The following EDA variants were observed in gnomAD, a reference collection of about 807,000 sequenced individuals.
EDA encodes the protein ectodysplasin-A.
EDA carries 2 observed loss-of-function variants against 23.6 expected under a neutral mutation model. The ratio of observed to expected loss-of-function variants is 0.08; its 90% CI spans 0.03 to 0.27. The LOEUF (loss-of-function observed/expected upper bound fraction) is 0.27. Among genes scored for constraint, EDA ranks in the 10% least tolerant of loss-of-function variants. EDA has a pLI of 1.00. For missense variants in EDA, 229 were observed against 324.2 expected (o/e 0.71, Z 2.26); for synonymous variants, 131 against 132.0 (o/e 0.99, Z 0.05).
chrX:69,979,934 T>A (rs911231901), intron 2 of EDA, among the ~76,000 whole-genome samples: 3 of 111,503 alleles, frequency 2.7e-5, no homozygotes, highest in African/African-American at 9.8e-5. Flanking sequence ...TATTTCTCAT[T>A]TTTTAGTGTT....
intron 1 of EDA, among the ~76,000 whole-genome samples, chrX:69,855,478 A>G (rs2017225909): frequency 8.9e-6 from 1 of 111,844 alleles, no homozygotes; most frequent in African/African-American, 3.2e-5. Context: ...ATCCATCTTT[A>G]ATTAATTTTT....
At position 69,742,798 on chromosome X, in the gene EDA, A is replaced by G. The variant is rs190982742; in HGVS notation, c.396+126094A>G. Among the ~76,000 whole-genome samples the G allele has an allele frequency of 3.6e-5, 4 of 111,146 alleles. No individual in the cohort carries two copies. In the East Asian group the frequency reaches 1.1e-3, roughly 31 times the overall value. ...TACTTCTATGCAGTAAACTAGGGCAATAATTGGGCTTACCTTGTTTGGTTC... is the reference window on the plus strand; with the variant it reads ...TACTTCTATGCAGTAAACTAGGGCAGTAATTGGGCTTACCTTGTTTGGTTC... On this transcript the variant is annotated intron_variant, in intron 1 of 7. Coordinates refer to ENST00000374552, the MANE Select transcript of EDA (RefSeq NM_001399.5).
chrX:69,772,737 G>A (rs747616233), intron 1 of EDA, among the ~76,000 whole-genome samples: 9 of 111,401 alleles, frequency 8.1e-5, no homozygotes, highest in African/African-American at 2.6e-4. Context: ...TGTGGTATTT[G>A]GTGTTCTGTT....
chrX:69,749,387 C>T (rs1165581743), intron 1 of EDA, among the ~76,000 whole-genome samples: 3 of 90,972 alleles, frequency 3.3e-5, no homozygotes, highest in Non-Finnish European at 6.5e-5. Flanking sequence ...TGAATAATGC[C>T]GCAATAAACA....
intron 1 of EDA, among the ~76,000 whole-genome samples, chrX:69,622,641 A>T (rs979250016): frequency 8.9e-6 from 1 of 112,214 alleles, no homozygotes; most frequent in Admixed American, 9.5e-5. Context: ...AGCCATTCCC[A>T]AATCTGTGAT....
At chrX:70,012,313 T>C (rs1375915844) in intron 2 of EDA, among the ~76,000 whole-genome samples, 1 of 112,147 alleles carries the variant, frequency 8.9e-6, no homozygotes, top group Non-Finnish European at 1.9e-5. Context: ...ATCTAAAAGA[T>C]TATAGAACTC....
At chrX:69,815,950 C>G (rs772143818) in intron 1 of EDA, among the ~76,000 whole-genome samples, 21 of 111,508 alleles carry the variant, frequency 1.9e-4, no homozygotes, top group Non-Finnish European at 3.6e-4. Context: ...TGCAGGACAG[C>G]AAGAGGTCAG....
At chrX:69,792,224 G>A (rs752773050) in intron 1 of EDA, among the ~76,000 whole-genome samples, 1 of 111,638 alleles carries the variant, frequency 9.0e-6, no homozygotes, top group Non-Finnish European at 1.9e-5. Flanking sequence ...TTAATATCTG[G>A]TTTTTCATTC....
chrX:69,808,031 G>A (rs530436783), intron 1 of EDA, among the ~76,000 whole-genome samples: 8 of 111,652 alleles, frequency 7.2e-5, no homozygotes, highest in African/African-American at 2.3e-4. Context: ...GTGTTTTGTA[G>A]TCAAAATGTA....
chrX:70,000,489 G>A (rs1191473681), intron 2 of EDA, among the ~76,000 whole-genome samples: 3 of 112,230 alleles, frequency 2.7e-5, no homozygotes. Context: ...CTTTCTACAG[G>A]CAGTTAAATC....
chrX:69,738,421 C>G (rs1373876230), intron 1 of EDA, among the ~76,000 whole-genome samples: 1 of 109,091 alleles, frequency 9.2e-6, no homozygotes, highest in Non-Finnish European at 1.9e-5. Context: ...TAGCTAATTT[C>G]TCAATTTTGT....
intron 1 of EDA, among the ~76,000 whole-genome samples, chrX:69,672,102 A>T (rs183360290): frequency 1.3e-3 from 145 of 111,877 alleles, no homozygotes; most frequent in Admixed American, 5.9e-3. Context: ...TGGGCATAAA[A>T]TGGTATTTCC....
At chrX:69,681,442 G>A (rs1464731594) in intron 1 of EDA, among the ~76,000 whole-genome samples, 12 of 111,278 alleles carry the variant, frequency 1.1e-4, no homozygotes, top group Non-Finnish European at 1.3e-4. Flanking sequence ...CATTCTCCCC[G>A]TCACTTTCAG....
intron 2 of EDA, among the ~76,000 whole-genome samples, chrX:70,018,774 CTGGAAAAAAAT>C (rs1335200401): frequency 3.6e-5 from 4 of 111,005 alleles, no homozygotes; most frequent in Non-Finnish European, 1.9e-5. Context: ...GACATAGACC[CTGGAAAAAAAT>C]TTATGACAGA....
intron 1 of EDA, among the ~76,000 whole-genome samples, chrX:69,888,975 T>A (rs1396727391): frequency 7.2e-4 from 35 of 48,391 alleles, no homozygotes; most frequent in African/African-American, 1.8e-3. Context: ...TATTGTGGGG[T>A]AGTTATATAT....
At chrX:69,818,675 T>C (rs1169002847) in intron 1 of EDA, among the ~76,000 whole-genome samples, 2 of 111,062 alleles carry the variant, frequency 1.8e-5, no homozygotes, top group Admixed American at 1.9e-4. Context: ...AGGAAGAAAT[T>C]GAATCCCTGA....
intron 1 of EDA, among the ~76,000 whole-genome samples, chrX:69,624,055 G>A (rs910648278): frequency 9.0e-6 from 1 of 110,994 alleles, no homozygotes; most frequent in African/African-American, 3.3e-5. Flanking sequence ...ATTCCAGATG[G>A]AACAAAGATT....
intron 1 of EDA, among the ~76,000 whole-genome samples, chrX:69,769,525 A>T (rs956613665): frequency 1.2e-4 from 13 of 111,112 alleles, no homozygotes; most frequent in South Asian, 3.8e-4. Flanking sequence ...GTGACAATTG[A>T]TGTGGTTAGG....
intron 1 of EDA, among the ~76,000 whole-genome samples, chrX:69,708,392 T>G (rs1334570380): frequency 9.0e-6 from 1 of 111,541 alleles, no homozygotes; most frequent in East Asian, 2.8e-4. Flanking sequence ...AAAAGTATAC[T>G]GTGAAGTTGG....
Sources: allele counts gnomAD v4.1 joint callset (sites outside exome capture counted in the v4.1 genomes callset), GRCh38; gene constraint gnomAD v4.1.1; transcripts MANE v1.5; gene names NCBI Gene and HGNC (gene_info 2026-07-23, HGNC 2026-07-21).